ABCA9: variants seen among roughly 807,000 people sequenced by gnomAD.
The protein encoded by ABCA9 is ATP-binding cassette sub-family A member 9.
ABCA9 carries 183 observed loss-of-function variants against 205.3 expected under a neutral mutation model. The observed-to-expected ratio is 0.89, with a 90% CI of 0.79 to 1.01. The LOEUF is 1.01. Ranked by LOEUF, ABCA9 falls within the 50% of genes least tolerant of loss-of-function variation. The pLI is 0.00. For missense variants in ABCA9, 1,805 were observed against 1,912.4 expected, an observed-to-expected ratio of 0.94 and a Z score of 1.05; for synonymous variants, 651 against 683.3, an observed-to-expected ratio of 0.95 and a Z score of 0.74.
chr17:69,035,899 A>G, intron 6 of ABCA9, 98 bp from the exon 7 acceptor site: 1 of 1,427,216 alleles, frequency 7.0e-7, no homozygotes, highest in South Asian at 1.6e-5. Flanking sequence ...ACCATTTATC[A>G]AGGGTAAAGG....
At chr17:69,009,449 G>A (rs1244907143) in intron 23 of ABCA9, among the ~76,000 whole-genome samples, 3 of 152,178 alleles carry the variant, frequency 2.0e-5, no homozygotes, top group African/African-American at 7.2e-5. Context: ...AAAGAAGCCA[G>A]TGTGGCTGGA....
Position 68,995,863 on chromosome 17 carries a change from C to T in ABCA9, c.3555+32G>A, listed in dbSNP as rs948646335. The T allele has an allele frequency of 2.5e-6, 4 of 1,611,030 alleles. No individual in the cohort carries two copies. In the East Asian group the frequency reaches 6.7e-5, roughly 27 times the overall value. On this transcript the variant is annotated intron_variant, in intron 26 of 38. Coordinates refer to ENST00000340001, the MANE Select transcript of ABCA9 (RefSeq NM_080283.4). ...GGCTTTCTCAAATGACCACACATTT[C>T]ATGACCCTCAGACAGAAGTGGAACT...
At chr17:69,073,917 G>T in the ABCA9 span, among the ~76,000 whole-genome samples, 1 of 152,162 alleles carries the variant, frequency 6.6e-6, no homozygotes, top group East Asian at 1.9e-4. Context: ...GCCCAGGATG[G>T]TCTTGAACTC....
intron 25 of ABCA9, among the ~76,000 whole-genome samples, chr17:69,002,747 A>C (rs2069934012): frequency 7.0e-6 from 1 of 143,270 alleles, no homozygotes; most frequent in Admixed American, 7.0e-5. Context: ...ATTGTGTGGG[A>C]GTCTAAGTCT....
intron 6 of ABCA9, among the ~76,000 whole-genome samples, chr17:69,039,894 G>C (rs902612641): frequency 1.3e-5 from 2 of 152,128 alleles, no homozygotes; most frequent in Non-Finnish European, 1.5e-5. Flanking sequence ...AGTAGGCAAA[G>C]GATATGAACA....
chr17:68,983,803 A>G lies in ABCA9; in HGVS notation c.4546T>C (p.Tyr1516His). The G allele has an allele frequency of 1.2e-6, 2 of 1,614,184 alleles. No individual in the cohort carries two copies. The highest frequency in any genetic ancestry group is 1.7e-6 in the Non-Finnish European group (2 of 1,180,036). The stretch of plus-strand genomic sequence containing the variant: ...TTCTTCAGCTTCATCTCCAGCAGGT[A>G]GTCTTTGCCAAATTTGCTTTTCAGG... ...QHLKSKFGKDYLLEMKLKNLA... is the reference protein window; with the variant it reads ...QHLKSKFGKDHLLEMKLKNLA... Residue 1516 changes from tyrosine (Y) to histidine (H), a missense_variant, in exon 36 of 39, where the codon TAC (tyrosine) becomes CAC (histidine). Coordinates refer to ENST00000340001, the MANE Select transcript of ABCA9 (RefSeq NM_080283.4).
chr17:69,027,693 G>C lies in ABCA9; in HGVS notation c.1738C>G (p.Leu580Val). The C allele has an allele frequency of 6.2e-7, 1 of 1,613,540 alleles. No individual in the cohort carries two copies. The highest frequency in any genetic ancestry group is 8.5e-7 in the Non-Finnish European group (1 of 1,179,892). ...QFGFLTVKEN[L>V]RLFAKIKGIL... ...CCTTTTATTTTAGCAAACAGCCTGA[G>C]GTTTTCTTTCACAGTGAGAAATCCA... Residue 580 changes from leucine (L) to valine (V), a missense_variant, in exon 13 of 39, where the codon CTC (leucine) becomes GTC (valine). Coordinates refer to ENST00000340001, the MANE Select transcript of ABCA9 (RefSeq NM_080283.4).
intron 7 of ABCA9, 41 bp from the exon 8 acceptor site, chr17:69,035,472 G>A: frequency 6.7e-7 from 1 of 1,482,678 alleles, no homozygotes; most frequent in Non-Finnish European, 9.0e-7. Context: ...ATAATTCTGT[G>A]AGAACAGTAG....
intron 23 of ABCA9, among the ~76,000 whole-genome samples, chr17:69,009,408 G>A (rs943753024): frequency 2.1e-5 from 3 of 143,162 alleles, no homozygotes; most frequent in East Asian, 2.2e-4. Context: ...AGACCCTTCC[G>A]TGGAAAGAGG....
chr17:69,046,875 CTATATATATATATATATATA>C (rs71144650), intron 3 of ABCA9, among the ~76,000 whole-genome samples: 66 of 127,758 alleles, frequency 5.2e-4, no homozygotes, highest in African/African-American at 1.3e-3. Flanking sequence ...CGATTTTATA[CTATATATATATATATATATA>C]TATATATATA....
At chr17:69,057,031 T>A (rs1014695290) in intron 1 of ABCA9, among the ~76,000 whole-genome samples, 2 of 152,132 alleles carry the variant, frequency 1.3e-5, no homozygotes, top group African/African-American at 4.8e-5. Flanking sequence ...GACTGTTGAG[T>A]CAAGGAATAG....
At chr17:69,048,741 AATT>A (rs1301500653) in intron 3 of ABCA9, among the ~76,000 whole-genome samples, 1 of 152,200 alleles carries the variant, frequency 6.6e-6, no homozygotes, top group Non-Finnish European at 1.5e-5. Flanking sequence ...TCTGGTGGGT[AATT>A]ATGAACTCTT....
At chr17:69,006,634 A>T (rs1003128505) in intron 25 of ABCA9, among the ~76,000 whole-genome samples, 8 of 152,112 alleles carry the variant, frequency 5.3e-5, no homozygotes, top group Non-Finnish European at 7.4e-5. Flanking sequence ...TACAAGGAGG[A>T]GGGAAATTGG....
chr17:68,992,356 A>G (rs1348074473), intron 27 of ABCA9, 90 bp from the exon 28 acceptor site: 2 of 873,536 alleles, frequency 2.3e-6, no homozygotes, highest in Non-Finnish European at 3.4e-6. Flanking sequence ...TGATTATATA[A>G]AAATTCGATT....
chr17:68,997,298 T>G (rs1248366714), intron 25 of ABCA9, among the ~76,000 whole-genome samples: 6 of 152,230 alleles, frequency 3.9e-5, no homozygotes, highest in Non-Finnish European at 7.3e-5. Context: ...TCTTTAATTT[T>G]TCCAAGTGAA....
chr17:69,004,337 G>A (rs186526702), intron 25 of ABCA9, among the ~76,000 whole-genome samples: 1,731 of 152,262 alleles, frequency 0.011, 19 homozygotes, highest in Non-Finnish European at 0.02. Flanking sequence ...TCCTTCTAAC[G>A]GACAGGACCC....
In ABCA9 at chr17:69,026,445, A is replaced by G. The variant is rs2070988553; in HGVS notation, c.2073T>C (p.Asn691=). The G allele has an allele frequency of 1.9e-6, 3 of 1,613,656 alleles. No homozygotes were observed. Among genetic ancestry groups the G allele is most frequent in the African/African-American group, 2.7e-5 (2 of 74,926 alleles). ...ILADRKVFIS[N]GKLKCAGSSL... ...AAGAGCCTGCACACTTCAGCTTCCCATTGGATATGAACACCTTCCTGTCTA... is the reference window on the plus strand; with the variant it reads ...AAGAGCCTGCACACTTCAGCTTCCCGTTGGATATGAACACCTTCCTGTCTA... Residue 691 remains asparagine, a synonymous_variant, in exon 16 of 39, where the codon AAT becomes AAC. Transcript: ENST00000340001.
rs1360922460 is a variant in ABCA9 at position 69,044,614 on chromosome 17, A to C, written c.470-14T>G. 11 of 1,606,920 alleles carry C rather than the reference A, an allele frequency of 6.8e-6. 1 individual carries two copies. The Admixed American group carries it at 1.9e-4, about 27-fold the overall frequency. ...CTTGACAGTGAGCTTTAGAAGAAGA[A>C]CACATCCATTATTACGGAATGATAC... is the stretch of plus-strand genomic sequence containing the variant. On this transcript the variant is annotated splice_polypyrimidine_tract_variant and intron_variant, in intron 4 of 38. Transcript: ENST00000340001.
At position 68,975,749 on chromosome 17, in the gene ABCA9, A is replaced by G. The variant is rs561349494; in HGVS notation, c.*166T>C. On this transcript the variant is annotated 3_prime_UTR_variant, in exon 39 of 39. Coordinates refer to ENST00000340001, the MANE Select transcript of ABCA9 (RefSeq NM_080283.4). ...AGGCTTATGCCCTATGATCGCCCTC[A>G]CTGACATCGCCTGTTGTCTCACTGT... is the stretch of plus-strand genomic sequence containing the variant. The G allele has an allele frequency of 4.8e-6, 3 of 619,150 alleles. No individual in the cohort carries two copies. In the Admixed American group the frequency reaches 8.4e-5, roughly 17 times the overall value. 38.4% of individuals were successfully genotyped at this position (619,150 alleles called of 1,614,324 possible). A position where few individuals can be genotyped will look rare whatever the true frequency, so the allele number is the denominator to read the frequency against.
Sources: allele counts gnomAD v4.1 joint callset (sites outside exome capture counted in the v4.1 genomes callset), GRCh38; gene constraint gnomAD v4.1.1; transcripts MANE v1.5; gene names NCBI Gene and HGNC (gene_info 2026-07-23, HGNC 2026-07-21).